MDM2: variants seen among roughly 807,000 people sequenced by gnomAD.
MDM2 encodes MDM2 proto-oncogene, also known as E3 ubiquitin-protein ligase Mdm2.
Under a neutral mutation model 64.3 loss-of-function variants are expected in MDM2, and 11 were observed. The ratio of observed to expected loss-of-function variants is 0.17; its 90% CI spans 0.11 to 0.28. The LOEUF (loss-of-function observed/expected upper bound fraction) is 0.28, where lower values mean the gene tolerates loss of function less well. Ranked by LOEUF, MDM2 falls within the 10% of genes least tolerant of loss-of-function variation. The probability of loss-of-function intolerance (pLI) is 1.00; values close to 1 mark genes in which losing one functional copy is unlikely to be tolerated. For missense variants in MDM2, 388 were observed against 577.1 expected (o/e 0.67, Z 3.36); for synonymous variants, 194 against 192.9 (o/e 1.01, Z -0.05).
downstream of MDM2, chr12:68,849,892 T>C (rs1884584041): frequency 6.6e-6 from 1 of 152,282 alleles, no homozygotes; most frequent in Admixed American, 6.5e-5. Flanking sequence ...GGATTACAGA[T>C]GTGAGTCACT....
chr12:68,825,842 A>G (rs1882273203), intron 7 of MDM2, among the ~76,000 whole-genome samples: 2 of 152,240 alleles, frequency 1.3e-5, no homozygotes, highest in African/African-American at 4.8e-5. Flanking sequence ...ATGCGGGCAG[A>G]AGACAGGAAG....
At position 68,845,416 on chromosome 12, in the gene MDM2, A is replaced by G. The variant is rs1044472281; in HGVS notation, c.*5567A>G. ...GAGCTAACAAACGAAAGGCAAAATAAAACCGTAAAGCAAGCAGATGGGAGG... is the reference window on the plus strand; with the variant it reads ...GAGCTAACAAACGAAAGGCAAAATAGAACCGTAAAGCAAGCAGATGGGAGG... On this transcript the variant is annotated 3_prime_UTR_variant, in exon 11 of 11. Coordinates refer to ENST00000258149, the MANE Select transcript of MDM2 (RefSeq NM_002392.6). 8 of 208,698 alleles carry G rather than the reference A, an allele frequency of 3.8e-5. No homozygotes were observed. Among genetic ancestry groups the G allele is most frequent in the Non-Finnish European group, 4.9e-5 (5 of 102,812 alleles). 12.9% of individuals were successfully genotyped at this position (208,698 alleles called of 1,614,324 possible). A position where few individuals can be genotyped will look rare whatever the true frequency, so the allele number is the denominator to read the frequency against.
rs755673157 is a variant in MDM2, at chr12:68,824,590, A to T, written c.462A>T (p.Ser154=). 1 of 1,613,578 alleles carries T rather than the reference A, an allele frequency of 6.2e-7. No individual in the cohort carries two copies. Among genetic ancestry groups the T allele is most frequent in the African/African-American group, 1.3e-5 (1 of 74,924 alleles). The change falls in exon 7 of 11, where the codon TCA becomes TCT. Residue 154 remains serine, a synonymous_variant. Coordinates refer to ENST00000258149, the MANE Select transcript of MDM2 (RefSeq NM_002392.6). ...AAGAGCTTCAGGAAGAGAAACCTTC[A>T]TCTTCACATTTGGTTTCTAGACCAT... is the stretch of plus-strand genomic sequence containing the variant. The part of the protein sequence containing the change: ...LVQELQEEKP[S]SSHLVSRPST...
At chr12:68,817,844 C>T (rs2136123469) in intron 4 of MDM2, among the ~76,000 whole-genome samples, 1 of 152,114 alleles carries the variant, frequency 6.6e-6, no homozygotes, top group East Asian at 1.9e-4. Flanking sequence ...ATGGCCCAGG[C>T]TGGAGTGCAG....
At chr12:68,814,724 G>A (rs1381984075) in intron 3 of MDM2, 1 of 205,056 alleles carries the variant, frequency 4.9e-6, no homozygotes, top group East Asian at 1.5e-4. Flanking sequence ...TCTATCTAAT[G>A]GTTCCAGCAT....
rs185195931 is a variant in MDM2 at position 68,817,947 on chromosome 12, G to C, written c.308+1002G>C. On this transcript the variant is annotated intron_variant, in intron 4 of 10. Transcript: ENST00000258149. Reference sequence around the variant, plus strand: ...CGAGTAGCTGGGATTACAGGTGCCTGCTGCCATGCCTAATTTTTGTATTTT... The same window carrying C: ...CGAGTAGCTGGGATTACAGGTGCCTCCTGCCATGCCTAATTTTTGTATTTT... Among the ~76,000 whole-genome samples, 3 of 151,890 alleles carry C rather than the reference G, an allele frequency of 2.0e-5. No homozygotes were observed. The East Asian group carries it at 5.9e-4, about 30-fold the overall frequency.
intron 7 of MDM2, among the ~76,000 whole-genome samples, chr12:68,824,917 C>T (rs986400704): frequency 6.6e-6 from 1 of 152,172 alleles, no homozygotes. Flanking sequence ...TAGGAGGTGG[C>T]TGGGGTGTGG....
rs1883280372 is a variant in MDM2 at position 68,835,972 on chromosome 12, TGAA to T, written c.831_833del (p.Glu277del). 6.2e-7 allele frequency: 1 copy of T among 1,606,370 alleles called. No homozygotes were observed. The highest frequency in any genetic ancestry group is 1.3e-5 in the African/African-American group (1 of 74,784). On this transcript the variant is annotated inframe_deletion, in exon 9 of 11. Coordinates refer to ENST00000258149, the MANE Select transcript of MDM2 (RefSeq NM_002392.6). The stretch of plus-strand genomic sequence containing the variant: ...GTGAAGAAGGACAAGAACTCTCAGA[TGAA>T]GATGATGAGGTAGTATTTTTTTTCC...
intron 5 of MDM2, among the ~76,000 whole-genome samples, chr12:68,821,975 C>G (rs1881894715): frequency 1.3e-5 from 2 of 152,128 alleles, no homozygotes; most frequent in Admixed American, 6.6e-5. Flanking sequence ...CCCCCTCAGC[C>G]TCCCAAGTTG....
chr12:68,820,673 T>C (rs974383720), intron 5 of MDM2, among the ~76,000 whole-genome samples: 1 of 152,160 alleles, frequency 6.6e-6, no homozygotes, highest in Non-Finnish European at 1.5e-5. Flanking sequence ...ACCTTGAAAA[T>C]GTATTGAAAG....
rs533217678 is a variant in MDM2, at chr12:68,843,314, G to A, written c.*3465G>A. On this transcript the variant is annotated 3_prime_UTR_variant, in exon 11 of 11. Coordinates refer to ENST00000258149, the MANE Select transcript of MDM2 (RefSeq NM_002392.6). ...ATTTATTGAGAGAGAGAGAGAGAGA[G>A]AGTAGGGTGACTATAGTTAATGTAT... 4.4e-6 allele frequency: 1 copy of A among 227,906 alleles called. No homozygotes were observed. The highest frequency in any genetic ancestry group is 1.8e-4 in the South Asian group (1 of 5,488). The allele number at this position is 227,906 out of a possible 1,614,324, so 14.1% of individuals were successfully genotyped here.
rs569072655 is a variant in MDM2 at position 68,843,210 on chromosome 12, TA to T, written c.*3363del. 4.5e-3 allele frequency: 1,021 copies of T among 224,534 alleles called. 8 individuals carry two copies. The highest frequency in any genetic ancestry group is 0.021 in the African/African-American group (950 of 44,896). 13.9% of individuals were successfully genotyped at this position (224,534 alleles called of 1,614,324 possible). ...GGGTACAGAGTTAAATTTGAAGGAA[TA>T]AGTTCTAGCTGAAGTATTATGAACT... is the stretch of plus-strand genomic sequence containing the variant. On this transcript the variant is annotated 3_prime_UTR_variant, in exon 11 of 11. Coordinates refer to ENST00000258149, the MANE Select transcript of MDM2 (RefSeq NM_002392.6).
downstream of MDM2, chr12:68,849,650 C>G (rs187145022): frequency 1.3e-5 from 2 of 150,840 alleles, no homozygotes; most frequent in Middle Eastern, 3.4e-3. Flanking sequence ...CTGCCTGCCT[C>G]GGCCTCCCAA....
chr12:68,838,996 G>A (rs932953462), intron 10 of MDM2, among the ~76,000 whole-genome samples: 2 of 152,134 alleles, frequency 1.3e-5, no homozygotes, highest in Non-Finnish European at 2.9e-5. Flanking sequence ...CTACAGTCAA[G>A]CAAATTAATG....
chr12:68,823,130 AC>A lies in MDM2; in HGVS notation c.359-1232del, dbSNP rs1882004520. ...TGGACAATATAACCTATTATGTACA[AC>A]TTAAGAAAATTAGTGTAATGCCTTA... On this transcript the variant is annotated intron_variant, in intron 5 of 10. Transcript: ENST00000258149. 2.6e-5 allele frequency among the ~76,000 whole-genome samples: 4 copies of A among 152,344 alleles called. No homozygotes were observed. The South Asian group carries it at 8.3e-4, about 32-fold the overall frequency.
chr12:68,823,045 T>G (rs919816910), intron 5 of MDM2, among the ~76,000 whole-genome samples: 1 of 152,174 alleles, frequency 6.6e-6, no homozygotes, highest in Non-Finnish European at 1.5e-5. Context: ...CCACCCAGCC[T>G]AGGGCTTCCT....
In MDM2 at chr12:68,843,330, G is replaced by GT. The variant is rs1253754237; in HGVS notation, c.*3483dup. 1 of 230,278 alleles carries GT rather than the reference G, an allele frequency of 4.3e-6. No individual in the cohort carries two copies. The highest frequency in any genetic ancestry group is 8.6e-6 in the Non-Finnish European group (1 of 116,432). 14.3% of individuals were successfully genotyped at this position (230,278 alleles called of 1,614,324 possible). A position where few individuals can be genotyped will look rare whatever the true frequency, so the allele number is the denominator to read the frequency against. The stretch of plus-strand genomic sequence containing the variant: ...AGAGAGAGAGAGTAGGGTGACTATA[G>GT]TTAATGTATTGAATGTTCTTGCTAC... On this transcript the variant is annotated 3_prime_UTR_variant, in exon 11 of 11. Coordinates refer to ENST00000258149, the MANE Select transcript of MDM2 (RefSeq NM_002392.6).
chr12:68,847,211 T>TATATATATATATATATATATATATATAC (rs914745312), downstream of MDM2: 2 of 136,476 alleles, frequency 1.5e-5, no homozygotes, highest in African/African-American at 6.0e-5. Context: ...TATATATATA[T>TATATATATATATATATATATATATATAC]ACTTTTTTTA....
chr12:68,829,536 C>T (rs1882621466), intron 8 of MDM2, among the ~76,000 whole-genome samples: 1 of 152,002 alleles, frequency 6.6e-6, no homozygotes, highest in African/African-American at 2.4e-5. Context: ...GAGGCTGAGG[C>T]GGGTGGATCA....
Sources: allele counts gnomAD v4.1 joint callset (sites outside exome capture counted in the v4.1 genomes callset), GRCh38; gene constraint gnomAD v4.1.1; transcripts MANE v1.5; gene names NCBI Gene and HGNC (gene_info 2026-07-23, HGNC 2026-07-21).